Variants in PLCB4 observed in about 807,000 individuals in gnomAD.
PLCB4 encodes the protein 1-phosphatidylinositol 4,5-bisphosphate phosphodiesterase beta-4.
A neutral mutation model predicts 178.8 loss-of-function variants in PLCB4; 77 were observed. That is an observed-to-expected ratio of 0.43 (90% CI 0.36 to 0.52). The LOEUF (loss-of-function observed/expected upper bound fraction) is 0.52, where lower values mean the gene tolerates loss of function less well. Ranked by LOEUF, PLCB4 falls within the 20% of genes least tolerant of loss-of-function variation. The pLI is 0.00. For synonymous variants in PLCB4, 496 were observed against 490.8 expected (o/e 1.01, Z -0.14); for missense variants, 1,024 against 1,453.4 (o/e 0.70, Z 4.80).
chr20:9,336,318 G>A (rs1220254561), intron 4 of PLCB4, among the ~76,000 whole-genome samples: 1 of 152,118 alleles, frequency 6.6e-6, no homozygotes, highest in Non-Finnish European at 1.5e-5. Flanking sequence ...AAGCACAGTG[G>A]TGCTCTAATA....
rs777393924 is a variant in PLCB4 at position 9,408,700 on chromosome 20, T to G, written c.1857T>G (p.His619Gln). The G allele has an allele frequency of 8.3e-6, 13 of 1,566,758 alleles. No individual in the cohort carries two copies. Among genetic ancestry groups the G allele is most frequent in the Non-Finnish European group, 1.1e-5 (13 of 1,137,252 alleles). ...TCGGTCTTGGCTACTTGAAGACACA[T>G]GCAATTGAATTTGTCAAGTATCCTT... ...ESVGLGYLKT[H>Q]AIEFVNYNKR... The change falls in exon 23 of 40, where the codon CAT becomes CAG. Residue 619 changes from histidine to glutamine, a missense_variant. His to Gln is a conservative substitution (Grantham distance 24, BLOSUM62 0). Around this residue, in one of 7 missense-constraint regions of PLCB4, gnomAD observed 263 missense variants for 417.4 expected, o/e 0.63. Transcript: ENST00000378473.
intron 2 of PLCB4, among the ~76,000 whole-genome samples, chr20:9,113,565 C>T (rs570742592): frequency 2.6e-5 from 4 of 152,282 alleles, no homozygotes; most frequent in South Asian, 2.1e-4. Context: ...TCACATATTA[C>T]GAGACACACT....
chr20:9,159,550 T>A (rs560270955), intron 2 of PLCB4, among the ~76,000 whole-genome samples: 1 of 152,332 alleles, frequency 6.6e-6, no homozygotes, highest in East Asian at 1.9e-4. Flanking sequence ...GACTCATCAG[T>A]TGAACAATAA....
chr20:9,227,833 T>C (rs920818210), intron 3 of PLCB4, among the ~76,000 whole-genome samples: 3 of 152,190 alleles, frequency 2.0e-5, no homozygotes, highest in Non-Finnish European at 2.9e-5. Context: ...AGTTTTATTT[T>C]ATAAATAAAA....
chr20:9,208,466 A>C (rs2093637502), intron 2 of PLCB4, among the ~76,000 whole-genome samples: 1 of 152,184 alleles, frequency 6.6e-6, no homozygotes, highest in African/African-American at 2.4e-5. Flanking sequence ...TCATTTTTTT[A>C]AGTCTTATCT....
intron 8 of PLCB4, among the ~76,000 whole-genome samples, chr20:9,364,283 C>T (rs751419801): frequency 3.3e-5 from 5 of 152,166 alleles, no homozygotes; most frequent in African/African-American, 7.2e-5. Context: ...CTTGCTTATA[C>T]CTGAGTGACA....
chr20:9,078,654 G>A (rs1050458546), intron 1 of PLCB4, among the ~76,000 whole-genome samples: 1 of 152,138 alleles, frequency 6.6e-6, no homozygotes, highest in Admixed American at 6.5e-5. Context: ...GAGCCACCAC[G>A]CCTGGCTGCT....
At chr20:9,177,635 T>C (rs563791815) in intron 2 of PLCB4, among the ~76,000 whole-genome samples, 1 of 151,306 alleles carries the variant, frequency 6.6e-6, no homozygotes, top group African/African-American at 2.4e-5. Context: ...AAATGGAAAG[T>C]GAGCTTGCAT....
chr20:9,140,010 T>C (rs1282477837), intron 2 of PLCB4, among the ~76,000 whole-genome samples: 1 of 152,104 alleles, frequency 6.6e-6, no homozygotes, highest in East Asian at 1.9e-4. Context: ...TAACTTTTCT[T>C]TCCATGGTCC....
chr20:9,171,607 A>G (rs1166033424), intron 2 of PLCB4, among the ~76,000 whole-genome samples: 2 of 152,194 alleles, frequency 1.3e-5, no homozygotes, highest in Non-Finnish European at 2.9e-5. Flanking sequence ...AACACTTGCT[A>G]CAGTCAGTTT....
At chr20:9,340,274 A>G (rs1441757229) in intron 7 of PLCB4, among the ~76,000 whole-genome samples, 2 of 152,128 alleles carry the variant, frequency 1.3e-5, no homozygotes, top group Admixed American at 6.5e-5. Context: ...TGACCCCTAA[A>G]CCATCCAAGC....
intron 2 of PLCB4, among the ~76,000 whole-genome samples, chr20:9,140,542 G>C (rs1380841420): frequency 6.6e-6 from 1 of 151,792 alleles, no homozygotes; most frequent in South Asian, 2.1e-4. Flanking sequence ...AATGTTGGAG[G>C]GGGGGCCTGG....
At chr20:9,411,254 T>G (rs1285728206) in intron 25 of PLCB4, among the ~76,000 whole-genome samples, 166 bp downstream of exon 25, 3 of 152,218 alleles carry the variant, frequency 2.0e-5, no homozygotes, top group Admixed American at 6.5e-5. Flanking sequence ...ATATACATTC[T>G]TCATCTACCC....
chr20:9,229,713 A>C (rs1200098118), intron 3 of PLCB4, among the ~76,000 whole-genome samples: 1 of 151,888 alleles, frequency 6.6e-6, no homozygotes, highest in Non-Finnish European at 1.5e-5. Flanking sequence ...TCAAATTTTA[A>C]GTTCAGGGGC....
chr20:9,425,795 T>A (rs191235432), intron 28 of PLCB4, among the ~76,000 whole-genome samples: 19 of 152,354 alleles, frequency 1.2e-4, no homozygotes, highest in Admixed American at 1.2e-3. Context: ...TGGTCATTTA[T>A]TTTATATGTG....
At chr20:9,192,803 C>CA (rs1568927326) in intron 2 of PLCB4, among the ~76,000 whole-genome samples, 1 of 150,122 alleles carries the variant, frequency 6.7e-6, no homozygotes, top group African/African-American at 2.5e-5. Flanking sequence ...CCTATCTCAA[C>CA]AAAAAAAGAA....
At chr20:9,267,089 A>G (rs988499682) in intron 3 of PLCB4, among the ~76,000 whole-genome samples, 17 of 152,196 alleles carry the variant, frequency 1.1e-4, no homozygotes, top group Admixed American at 3.9e-4. Flanking sequence ...ACTTTTAAAA[A>G]TAACTCTTTT....
At chr20:9,320,787 T>G (rs780652629) in intron 4 of PLCB4, among the ~76,000 whole-genome samples, 2 of 152,142 alleles carry the variant, frequency 1.3e-5, no homozygotes, top group Non-Finnish European at 2.9e-5. Context: ...GATCTCCAAG[T>G]ATGGTTTCAG....
intron 32 of PLCB4, among the ~76,000 whole-genome samples, chr20:9,450,259 AT>A (rs1195103594): frequency 1.3e-5 from 2 of 152,026 alleles, no homozygotes; most frequent in East Asian, 1.9e-4. Flanking sequence ...AATAATGGAC[AT>A]TTTTTTTAAG....
Sources: gnomAD v4.1 joint callset for allele counts (sites outside exome capture counted in the v4.1 genomes callset) on GRCh38, gnomAD v4.1.1 for gene constraint, gnomAD v4.1.1 regional missense constraint, MANE v1.5 for transcripts, NCBI Gene and HGNC (gene_info 2026-07-23, HGNC 2026-07-21) for gene names.